BICDL1: variants seen among roughly 807,000 people sequenced by gnomAD.
BICDL1 encodes the protein BICD family-like cargo adapter 1.
Under a neutral mutation model 76.8 loss-of-function variants are expected in BICDL1, and 20 were observed. That is an observed-to-expected ratio of 0.26 (90% confidence interval 0.18 to 0.38). BICDL1 has a LOEUF of 0.38. Among genes scored for constraint, BICDL1 ranks in the 10% least tolerant of loss-of-function variants. BICDL1 has a pLI of 1.00. For missense variants in BICDL1, 700 were observed against 798.6 expected (o/e 0.88, Z 1.49); for synonymous variants, 383 against 337.1 (o/e 1.14, Z -1.49).
chr12:120,015,336 C>G (rs1050884384), intron 2 of BICDL1, among the ~76,000 whole-genome samples: 1 of 152,170 alleles, frequency 6.6e-6, no homozygotes, highest in Admixed American at 6.5e-5. Flanking sequence ...CATTCAAAGC[C>G]CTGTACCTTC....
At chr12:120,060,035 T>C (rs900418461) in intron 2 of BICDL1, among the ~76,000 whole-genome samples, 2 of 152,236 alleles carry the variant, frequency 1.3e-5, no homozygotes, top group African/African-American at 2.4e-5. Flanking sequence ...TTTACCATCC[T>C]GATTCTGTCA....
chr12:120,051,930 G>T (rs1443510118), intron 2 of BICDL1, among the ~76,000 whole-genome samples: 1 of 150,084 alleles, frequency 6.7e-6, no homozygotes, highest in Admixed American at 6.6e-5. Flanking sequence ...CTCAGTCTTT[G>T]TTGTTGTTGT....
At position 120,094,332 on chromosome 12, in the gene BICDL1, A is replaced by G. The variant is rs1283643727; in HGVS notation, c.*1171A>G. On this transcript the variant is annotated 3_prime_UTR_variant, in exon 10 of 10. Coordinates refer to ENST00000548673, the MANE Select transcript of BICDL1 (RefSeq NM_001367886.1). ...CAAGAATGTACCTGTAGATGTGTAC[A>G]TACCACAGTGCTGTAATTTTGTATG... is the stretch of plus-strand genomic sequence containing the variant. 2.2e-6 allele frequency: 1 copy of G among 456,492 alleles called. No individual in the cohort carries two copies. Among genetic ancestry groups the G allele is most frequent in the East Asian group, 6.9e-5 (1 of 14,416 alleles). The allele number at this position is 456,492 out of a possible 1,614,324, so 28.3% of individuals were successfully genotyped here.
At chr12:120,015,292 A>G (rs2138684330) in intron 2 of BICDL1, among the ~76,000 whole-genome samples, 1 of 151,920 alleles carries the variant, frequency 6.6e-6, no homozygotes, top group East Asian at 1.9e-4. Context: ...CATTTAGGGG[A>G]CTCCCTTGGC....
intron 2 of BICDL1, among the ~76,000 whole-genome samples, chr12:120,018,662 C>T (rs1952114536): frequency 6.8e-6 from 1 of 147,806 alleles, no homozygotes; most frequent in South Asian, 2.2e-4. Flanking sequence ...TGCAGTTGCA[C>T]ATTTTCCTCA....
chr12:120,074,803 G>A (rs1270340107), intron 7 of BICDL1, among the ~76,000 whole-genome samples: 1 of 152,220 alleles, frequency 6.6e-6, no homozygotes, highest in Non-Finnish European at 1.5e-5. Flanking sequence ...GGATGAGAAT[G>A]GCTGGTCCTC....
At chr12:120,069,519 C>T (rs888451137) in intron 4 of BICDL1, among the ~76,000 whole-genome samples, 2 of 152,134 alleles carry the variant, frequency 1.3e-5, no homozygotes, top group Non-Finnish European at 2.9e-5. Context: ...CAAGGGTTTT[C>T]GGAAAGTCAC....
At chr12:120,073,353 A>G (rs1021189369) in intron 6 of BICDL1, among the ~76,000 whole-genome samples, 3 of 152,254 alleles carry the variant, frequency 2.0e-5, no homozygotes, top group Non-Finnish European at 4.4e-5. Flanking sequence ...CTTTGCATAT[A>G]GAAGTTTGTA....
Position 120,052,587 on chromosome 12 carries a change from G to A in BICDL1, c.646-9123G>A, listed in dbSNP as rs894454065. Among the ~76,000 whole-genome samples, 3 of 152,058 alleles carry A rather than the reference G, an allele frequency of 2.0e-5. No individual in the cohort carries two copies. The South Asian group carries it at 6.2e-4, about 32-fold the overall frequency. ...ATGTTGACTGCTTGGTTAAGGTAGT[G>A]TTTGCCAGGCTCCCCACTATAAATG... On this transcript the variant is annotated intron_variant, in intron 2 of 9. Coordinates refer to ENST00000548673, the MANE Select transcript of BICDL1 (RefSeq NM_001367886.1).
chr12:120,040,601 A>G lies in BICDL1; in HGVS notation c.646-21109A>G, dbSNP rs116249746. On this transcript the variant is annotated intron_variant, in intron 2 of 9. Coordinates refer to ENST00000548673, the MANE Select transcript of BICDL1 (RefSeq NM_001367886.1). ...CGGCTAATTTTTTTGTATTTCTTGT[A>G]GAGACAGTTTTACCATGTTGCCCAG... 4.3e-3 allele frequency among the ~76,000 whole-genome samples: 652 copies of G among 151,662 alleles called. 3 individuals carry two copies. Among genetic ancestry groups the G allele is most frequent in the African/African-American group, 0.015 (622 of 41,402 alleles).
At position 120,072,649 on chromosome 12, in the gene BICDL1, G is replaced by A; in HGVS notation, c.1228G>A (p.Val410Met). Residue 410 changes from valine to methionine, a missense_variant, in exon 6 of 10, where the codon GTG becomes ATG. Val to Met is a conservative substitution (Grantham distance 21). Coordinates refer to ENST00000548673, the MANE Select transcript of BICDL1 (RefSeq NM_001367886.1). ...TTCAGAAACCTCGTCCGCCAAGGAT[G>A]TGCCAGCCGGCAGCTTGCGCACTGC... ...ESSETSSAKDVPAGSLRTALN... is the reference protein window; with the variant it reads ...ESSETSSAKDMPAGSLRTALN... 6.2e-7 allele frequency: 1 copy of A among 1,614,182 alleles called. No individual in the cohort carries two copies. Among genetic ancestry groups the A allele is most frequent in the Non-Finnish European group, 8.5e-7 (1 of 1,180,044 alleles).
At chr12:120,021,419 T>G (rs1952176361) in intron 2 of BICDL1, among the ~76,000 whole-genome samples, 1 of 146,070 alleles carries the variant, frequency 6.8e-6, no homozygotes, top group Non-Finnish European at 1.5e-5. Context: ...AAACCCCATC[T>G]CTACTAAAAA....
At chr12:120,051,237 G>A (rs1952853511) in intron 2 of BICDL1, among the ~76,000 whole-genome samples, 2 of 151,808 alleles carry the variant, frequency 1.3e-5, no homozygotes, top group Admixed American at 6.6e-5. Flanking sequence ...TAGTAGAGAC[G>A]GCATTTCACC....
chr12:120,090,745 G>A, intron 9 of BICDL1: 1 of 452,290 alleles, frequency 2.2e-6, no homozygotes. Context: ...GCCCCCCGTG[G>A]AGGGCAGGTT....
Position 119,989,876 on chromosome 12 carries a change from C to T in BICDL1, c.8C>T (p.Ala3Val). Residue 3 changes from alanine (A) to valine (V), a missense_variant, in exon 1 of 10, where the codon GCT becomes GTT. Around this residue, in one of 3 missense-constraint regions of BICDL1, gnomAD observed 225 missense variants for 199.6 expected, o/e 1.13. Transcript: ENST00000548673. Reference protein sequence around the residue: MSAFCLGLVGRAS... With the variant: MSVFCLGLVGRAS... ...GCTCCGCGCGCGCGGGCCATGTCCG[C>T]TTTCTGCCTGGGCTTGGTCGGCCGC... 2.1e-6 allele frequency: 3 copies of T among 1,417,148 alleles called. No individual in the cohort carries two copies. Among genetic ancestry groups the T allele is most frequent in the Non-Finnish European group, 2.7e-6 (3 of 1,097,074 alleles). The allele number at this position is 1,417,148 out of a possible 1,614,324, so 87.8% of individuals were successfully genotyped here. A position where few individuals can be genotyped will look rare whatever the true frequency, so the allele number is the denominator to read the frequency against.
At chr12:120,009,569 G>T (rs1176829996) in intron 2 of BICDL1, among the ~76,000 whole-genome samples, 1 of 152,112 alleles carries the variant, frequency 6.6e-6, no homozygotes, top group African/African-American at 2.4e-5. Context: ...AGACAGCTTG[G>T]TATATTGTGT....
intron 2 of BICDL1, among the ~76,000 whole-genome samples, chr12:120,016,071 C>G (rs77482822): frequency 0.014 from 2,091 of 152,310 alleles, 45 homozygotes; most frequent in East Asian, 0.044. Context: ...CTGTCCCCAC[C>G]CGCAGCCCCA....
chr12:120,031,434 G>C (rs1034369526), intron 2 of BICDL1, among the ~76,000 whole-genome samples: 7 of 152,050 alleles, frequency 4.6e-5, no homozygotes, highest in African/African-American at 1.7e-4. Context: ...TCCATCTCCT[G>C]ACCTCGTGAT....
chr12:120,003,679 G>A (rs1463020699), intron 2 of BICDL1, among the ~76,000 whole-genome samples: 2 of 152,214 alleles, frequency 1.3e-5, no homozygotes, highest in Non-Finnish European at 2.9e-5. Flanking sequence ...AATGAATTGA[G>A]AAGAGTGACT....
Sources: allele counts gnomAD v4.1 joint callset (sites outside exome capture counted in the v4.1 genomes callset), GRCh38; gene constraint gnomAD v4.1.1; regional missense constraint gnomAD v4.1.1; transcripts MANE v1.5; gene names NCBI Gene and HGNC (gene_info 2026-07-23, HGNC 2026-07-21).